The following EEA1 variants were observed in gnomAD, a reference collection of about 807,000 sequenced individuals.
EEA1 encodes the protein early endosome antigen 1.
EEA1 carries 111 observed loss-of-function variants against 209.2 expected under a neutral mutation model. The observed-to-expected ratio is 0.53, with a 90% CI of 0.45 to 0.62. EEA1 has a LOEUF of 0.62. Ranked by LOEUF, EEA1 falls within the 20% of genes least tolerant of loss-of-function variation. The probability of loss-of-function intolerance (pLI) is 0.00; values close to 1 mark genes in which losing one functional copy is unlikely to be tolerated. For missense variants in EEA1, 1,343 were observed against 1,530.8 expected (o/e 0.88, Z 2.05); for synonymous variants, 536 against 540.6 (o/e 0.99, Z 0.12).
chr12:92,851,023 C>T, intron 9 of EEA1, 88 bp downstream of exon 9: 1 of 1,294,022 alleles, frequency 7.7e-7, no homozygotes, highest in Non-Finnish European at 1.0e-6. Flanking sequence ...ATAGGCCACT[C>T]AGAAAAATCT....
At chr12:92,865,726 T>C (rs1878355114) in intron 2 of EEA1, among the ~76,000 whole-genome samples, 1 of 83,094 alleles carries the variant, frequency 1.2e-5, no homozygotes, top group African/African-American at 3.9e-5. Context: ...TTTATTTTAT[T>C]TTATTTTATT....
chr12:92,884,649 G>C, intron 2 of EEA1: 2 of 1,265,362 alleles, frequency 1.6e-6, no homozygotes, highest in Non-Finnish European at 1.1e-6. Context: ...TGAAACCAAG[G>C]TGGCTATGGT....
At chr12:92,803,028 A>G (rs1406827801) in intron 18 of EEA1, among the ~76,000 whole-genome samples, 1 of 152,026 alleles carries the variant, frequency 6.6e-6, no homozygotes, top group African/African-American at 2.4e-5. Flanking sequence ...AATCCCGAGG[A>G]AAAAAACTAT....
Position 92,864,868 on chromosome 12 carries a change from A to G in EEA1, c.237T>C (p.Ala79=). The G allele has an allele frequency of 1.3e-6, 2 of 1,597,342 alleles. No individual in the cohort carries two copies. The highest frequency in any genetic ancestry group is 1.7e-6 in the Non-Finnish European group (2 of 1,173,724). ...AAATTATCATACCGTACCGCTTCAA[A>G]GCAAGATTAGACTCTCCTCCATGAC... ...DSGHGGESNL[A]LKRDDVTLLR... Residue 79 remains alanine (A), a synonymous_variant, in exon 3 of 29, where the codon GCT becomes GCC. Coordinates refer to ENST00000322349, the MANE Select transcript of EEA1 (RefSeq NM_003566.4).
At chr12:92,800,658 T>C (rs1367782733) in intron 20 of EEA1, among the ~76,000 whole-genome samples, 1 of 152,240 alleles carries the variant, frequency 6.6e-6, no homozygotes, top group Non-Finnish European at 1.5e-5. Context: ...TTATAGTCAG[T>C]GTACTGAGTA....
chr12:92,797,163 C>T (rs1874690248), intron 21 of EEA1, among the ~76,000 whole-genome samples: 1 of 152,218 alleles, frequency 6.6e-6, no homozygotes, highest in Non-Finnish European at 1.5e-5. Flanking sequence ...TCTTGGCTCA[C>T]TGCAACCTCT....
At chr12:92,831,877 A>C (rs937437335) in intron 11 of EEA1, among the ~76,000 whole-genome samples, 2 of 150,226 alleles carry the variant, frequency 1.3e-5, no homozygotes, top group African/African-American at 2.4e-5. Context: ...TGAGGTCAGG[A>C]GATCGAGACC....
In EEA1 at chr12:92,857,339, T is replaced by C; in HGVS notation, c.302A>G (p.Glu101Gly). The C allele has an allele frequency of 6.3e-7, 1 of 1,586,940 alleles. No individual in the cohort carries two copies. The highest frequency in any genetic ancestry group is 8.5e-7 in the Non-Finnish European group (1 of 1,169,902). Residue 101 changes from glutamate (E) to glycine (G), a missense_variant and splice_region_variant, in exon 5 of 29, where the codon GAA (glutamate) becomes GGA (glycine). Glu to Gly is a moderately conservative substitution (Grantham distance 98). Coordinates refer to ENST00000322349, the MANE Select transcript of EEA1 (RefSeq NM_003566.4). ...TAATTCTTCCGAGTACCATTTTTCT[T>C]CCTAATAAAAAAGATTTTTAATTAG... ...EVQDLQASLK[E>G]EKWYSEELKK... is the part of the protein sequence containing the mutation.
At chr12:92,921,328 A>G (rs1708318350) in intron 1 of EEA1, among the ~76,000 whole-genome samples, 1 of 129,528 alleles carries the variant, frequency 7.7e-6, no homozygotes, top group Non-Finnish European at 1.6e-5. Flanking sequence ...TATTCACAAT[A>G]GCAAAGACTT....
At chr12:92,807,985 G>C (rs1420004085) in intron 18 of EEA1, among the ~76,000 whole-genome samples, 1 of 151,974 alleles carries the variant, frequency 6.6e-6, no homozygotes, top group Admixed American at 6.5e-5. Flanking sequence ...AATAATAAAG[G>C]TGAAGGATTA....
rs1462980575 is a variant in EEA1, at chr12:92,802,559, T to C, written c.2515A>G (p.Thr839Ala). 6.2e-7 allele frequency: 1 copy of C among 1,602,300 alleles called. No individual in the cohort carries two copies. The stretch of plus-strand genomic sequence containing the variant: ...TCCATTTTCACTTTTTGTAGTTCTG[T>C]TACTGTTGTTTGAATTCTGTTATTC... ...ELNNRIQTTV[T>A]ELQKVKMEKE... The change falls in exon 19 of 29, where the codon ACA becomes GCA. Residue 839 changes from threonine to alanine, a missense_variant. By Grantham distance (58) the Thr-to-Ala change is moderately conservative. Transcript: ENST00000322349.
intron 1 of EEA1, among the ~76,000 whole-genome samples, chr12:92,927,313 A>G (rs1881250755): frequency 6.6e-6 from 1 of 152,232 alleles, no homozygotes; most frequent in African/African-American, 2.4e-5. Flanking sequence ...ACAAATGCCA[A>G]TAGCGCCGAC....
chr12:92,899,834 C>G (rs1248846336), intron 1 of EEA1, among the ~76,000 whole-genome samples: 1 of 152,170 alleles, frequency 6.6e-6, no homozygotes, highest in Non-Finnish European at 1.5e-5. Context: ...ATCTAGCTTT[C>G]TTTTCTGGAC....
intron 10 of EEA1, among the ~76,000 whole-genome samples, chr12:92,834,546 TA>T (rs5800089): frequency 0.013 from 975 of 74,392 alleles, 15 homozygotes; most frequent in African/African-American, 0.051. Context: ...ACCCTGTCAC[TA>T]AAAAAAAAAA....
intron 1 of EEA1, among the ~76,000 whole-genome samples, chr12:92,917,549 G>A (rs1880817294): frequency 1.3e-5 from 2 of 151,048 alleles, no homozygotes; most frequent in Admixed American, 1.3e-4. Context: ...AATGCTGAGA[G>A]ATTTTGTCAC....
chr12:92,829,788 A>C (rs1052900839), intron 11 of EEA1, among the ~76,000 whole-genome samples: 1 of 140,614 alleles, frequency 7.1e-6, no homozygotes, highest in Non-Finnish European at 1.5e-5. Flanking sequence ...TAAAAAAAAA[A>C]AAAAAAAACA....
intron 18 of EEA1, among the ~76,000 whole-genome samples, chr12:92,805,339 A>G (rs1302335226): frequency 1.3e-5 from 2 of 152,156 alleles, no homozygotes; most frequent in African/African-American, 2.4e-5. Flanking sequence ...GAAAATGAGA[A>G]TATTTTCACC....
At chr12:92,915,379 G>T (rs748647345) in intron 1 of EEA1, among the ~76,000 whole-genome samples, 108 of 152,260 alleles carry the variant, frequency 7.1e-4, no homozygotes, top group Non-Finnish European at 1.3e-3. Context: ...AAGCCAGGAG[G>T]ACTGCTTAAG....
intron 1 of EEA1, among the ~76,000 whole-genome samples, chr12:92,925,546 G>T (rs950118653): frequency 6.6e-6 from 1 of 152,142 alleles, no homozygotes; most frequent in Non-Finnish European, 1.5e-5. Context: ...GAAAGAAATG[G>T]CAACAAGGTT....
Sources: gnomAD v4.1 joint callset for allele counts (sites outside exome capture counted in the v4.1 genomes callset) on GRCh38, gnomAD v4.1.1 for gene constraint, MANE v1.5 for transcripts, NCBI Gene and HGNC (gene_info 2026-07-23, HGNC 2026-07-21) for gene names.